The following LYPLAL1 variants were observed in gnomAD, a reference collection of about 807,000 sequenced individuals.
LYPLAL1 encodes the protein lysophospholipase-like protein 1.
A neutral mutation model predicts 19.7 loss-of-function variants in LYPLAL1; 23 were observed. The observed-to-expected ratio is 1.17, with a 90% CI of 0.84 to 1.65. The LOEUF (loss-of-function observed/expected upper bound fraction) is 1.65, where lower values mean the gene tolerates loss of function less well. LYPLAL1 is among the 40% of genes most tolerant of loss of function. The probability of loss-of-function intolerance (pLI) is 0.00; values close to 1 mark genes in which losing one functional copy is unlikely to be tolerated. For synonymous variants in LYPLAL1, 119 were observed against 96.3 expected (o/e 1.24, Z -1.38); for missense variants, 355 against 279.4 (o/e 1.27, Z -1.93).
At chr1:219,297,568 T>C in the LYPLAL1 span, among the ~76,000 whole-genome samples, 2 of 152,206 alleles carry the variant, frequency 1.3e-5, no homozygotes, top group African/African-American at 4.8e-5. Context: ...TCTTGAGAAA[T>C]GGGTAAGGCT....
chr1:219,400,038 G>A, the LYPLAL1 span, among the ~76,000 whole-genome samples: 4 of 152,148 alleles, frequency 2.6e-5, no homozygotes, highest in African/African-American at 9.7e-5. Context: ...AGAGGTCCAA[G>A]GTAAGAGCAT....
the LYPLAL1 span, among the ~76,000 whole-genome samples, chr1:219,380,305 C>T: frequency 2.6e-5 from 4 of 152,052 alleles, no homozygotes; most frequent in East Asian, 3.9e-4. Context: ...GTGGGTGGGA[C>T]GCTGTAAAAG....
chr1:219,400,209 A>C, the LYPLAL1 span, among the ~76,000 whole-genome samples: 2 of 151,876 alleles, frequency 1.3e-5, no homozygotes, highest in African/African-American at 4.8e-5. Context: ...TTCCTGATGA[A>C]GATCTGTTAG....
chr1:219,229,724 G>C, the LYPLAL1 span, among the ~76,000 whole-genome samples: 2 of 152,162 alleles, frequency 1.3e-5, no homozygotes, highest in African/African-American at 4.8e-5. Context: ...TAGCCTGCCC[G>C]TCTGAATGCT....
At chr1:219,265,514 T>C in the LYPLAL1 span, among the ~76,000 whole-genome samples, 3 of 152,220 alleles carry the variant, frequency 2.0e-5, no homozygotes, top group Admixed American at 1.3e-4. Flanking sequence ...AACTGAGTTA[T>C]AGATGACAAT....
At chr1:219,287,921 A>G in the LYPLAL1 span, among the ~76,000 whole-genome samples, 1 of 152,180 alleles carries the variant, frequency 6.6e-6, no homozygotes, top group Admixed American at 6.5e-5. Context: ...CCATGGTAAG[A>G]CATGCTTGCT....
At chr1:219,294,192 G>A in the LYPLAL1 span, among the ~76,000 whole-genome samples, 1 of 152,222 alleles carries the variant, frequency 6.6e-6, no homozygotes, top group Non-Finnish European at 1.5e-5. Context: ...ATGCTCCTGA[G>A]AGGGCAAACA....
At chr1:219,411,880 AG>A in the LYPLAL1 span, 1 of 167,494 alleles carries the variant, frequency 6.0e-6, no homozygotes, top group Non-Finnish European at 1.2e-5. Flanking sequence ...TCTTGAAGTC[AG>A]TGAGACCAAG....
the LYPLAL1 span, among the ~76,000 whole-genome samples, chr1:219,348,330 G>A: frequency 2.6e-5 from 4 of 152,170 alleles, no homozygotes; most frequent in Non-Finnish European, 5.9e-5. Context: ...TGAGAACACC[G>A]GCCAACGTGG....
At chr1:219,175,809 A>T (rs999492423) in intron 1 of LYPLAL1, among the ~76,000 whole-genome samples, 1 of 152,124 alleles carries the variant, frequency 6.6e-6, no homozygotes, top group Non-Finnish European at 1.5e-5. Context: ...TTTACATTCA[A>T]CTTTAATGTA....
chr1:219,366,619 G>T, the LYPLAL1 span, among the ~76,000 whole-genome samples: 3 of 152,132 alleles, frequency 2.0e-5, no homozygotes, highest in Non-Finnish European at 4.4e-5. Flanking sequence ...TTGTTCTAAA[G>T]CTTTAGCTGT....
At chr1:219,268,772 T>C in the LYPLAL1 span, among the ~76,000 whole-genome samples, 1 of 152,224 alleles carries the variant, frequency 6.6e-6, no homozygotes, top group Non-Finnish European at 1.5e-5. Context: ...GCTTCATTAT[T>C]CTGTAGTCAC....
At chr1:219,238,155 G>A in the LYPLAL1 span, among the ~76,000 whole-genome samples, 2 of 124,640 alleles carry the variant, frequency 1.6e-5, no homozygotes, top group African/African-American at 6.0e-5. Context: ...ACAGAGTCTC[G>A]CTCTGTCGCC....
chr1:219,231,804 A>G, the LYPLAL1 span, among the ~76,000 whole-genome samples: 2 of 152,182 alleles, frequency 1.3e-5, no homozygotes, highest in African/African-American at 4.8e-5. Context: ...TTGAACATCA[A>G]TATCTATAGA....
At chr1:219,194,620 A>G (rs11118234) in intron 3 of LYPLAL1, among the ~76,000 whole-genome samples, 50,740 of 151,778 alleles carry the variant, frequency 0.33, 8,904 homozygotes, top group Non-Finnish European at 0.38. Flanking sequence ...ATGATAGTAT[A>G]TATTTCTTTT....
At chr1:219,232,903 A>G in the LYPLAL1 span, among the ~76,000 whole-genome samples, 2 of 151,812 alleles carry the variant, frequency 1.3e-5, no homozygotes, top group African/African-American at 2.4e-5. Context: ...GTTTGTGATG[A>G]TGTGGAGAAA....
At chr1:219,429,882 AT>A in the LYPLAL1 span, among the ~76,000 whole-genome samples, 1 of 152,206 alleles carries the variant, frequency 6.6e-6, no homozygotes, top group African/African-American at 2.4e-5. Context: ...GCTTACAGTT[AT>A]CTTGCACTTG....
the LYPLAL1 span, among the ~76,000 whole-genome samples, chr1:219,396,226 C>T: frequency 1.3e-5 from 2 of 151,794 alleles, no homozygotes; most frequent in African/African-American, 2.4e-5. Flanking sequence ...TCTTCTTTGT[C>T]GAAGATAAGA....
the LYPLAL1 span, among the ~76,000 whole-genome samples, chr1:219,229,318 A>AGAGAGAGAGAGAGAGAGAGAGG: frequency 3.3e-5 from 5 of 149,846 alleles, no homozygotes; most frequent in African/African-American, 1.2e-4. Context: ...AGAGAGAGAG[A>AGAGAGAGAGAGAGAGAGAGAGG]GAGAGAGAGA....
Sources: gnomAD v4.1 joint callset for allele counts (sites outside exome capture counted in the v4.1 genomes callset) on GRCh38, gnomAD v4.1.1 for gene constraint, MANE v1.5 for transcripts, NCBI Gene and HGNC (gene_info 2026-07-23, HGNC 2026-07-21) for gene names.